Variants in LDLRAD4 observed in about 807,000 individuals in gnomAD.
LDLRAD4 encodes the protein low density lipoprotein receptor class A domain containing 4, also known as low-density lipoprotein receptor class A domain-containing protein 4.
Under a neutral mutation model 17.0 loss-of-function variants are expected in LDLRAD4, and 5 were observed. The ratio of observed to expected loss-of-function variants is 0.29; its 90% CI spans 0.15 to 0.62. The LOEUF (loss-of-function observed/expected upper bound fraction) is 0.62, where lower values mean the gene tolerates loss of function less well. Ranked by LOEUF, LDLRAD4 falls within the 20% of genes least tolerant of loss-of-function variation. The pLI, the probability that LDLRAD4 is intolerant of heterozygous loss-of-function variation, is 0.84. For missense variants in LDLRAD4, 340 were observed against 424.7 expected, an observed-to-expected ratio of 0.80 and a Z score of 1.75; for synonymous variants, 168 against 171.8, an observed-to-expected ratio of 0.98 and a Z score of 0.17.
At chr18:13,351,481 A>G (rs1397377869) in intron 1 of LDLRAD4, among the ~76,000 whole-genome samples, 1 of 152,108 alleles carries the variant, frequency 6.6e-6, no homozygotes, top group Non-Finnish European at 1.5e-5. Flanking sequence ...TTGATTTTGT[A>G]TCCTGAGACT....
intron 3 of LDLRAD4, among the ~76,000 whole-genome samples, chr18:13,575,716 C>T (rs908550089): frequency 1.3e-5 from 2 of 152,126 alleles, no homozygotes; most frequent in Non-Finnish European, 2.9e-5. Flanking sequence ...CCTTTTTCAC[C>T]GCATCCACGC....
chr18:13,422,864 G>A (rs1363442702), intron 2 of LDLRAD4, among the ~76,000 whole-genome samples: 2 of 152,228 alleles, frequency 1.3e-5, no homozygotes, highest in African/African-American at 4.8e-5. Flanking sequence ...GCTGTGGGCT[G>A]TAGCTGCTTG....
intron 1 of LDLRAD4, among the ~76,000 whole-genome samples, chr18:13,222,540 G>A (rs574884668): frequency 6.6e-6 from 1 of 152,324 alleles, no homozygotes; most frequent in South Asian, 2.1e-4. Context: ...TCTGCAACAC[G>A]CTTGCACTGC....
At chr18:13,436,824 G>A (rs2090691715) in intron 2 of LDLRAD4, among the ~76,000 whole-genome samples, 1 of 152,206 alleles carries the variant, frequency 6.6e-6, no homozygotes, top group Non-Finnish European at 1.5e-5. Flanking sequence ...GGCGCTTGTG[G>A]GTGTGCATTT....
At chr18:13,320,942 G>A (rs1265394205) in intron 1 of LDLRAD4, among the ~76,000 whole-genome samples, 1 of 152,190 alleles carries the variant, frequency 6.6e-6, no homozygotes. Context: ...AACAAGCCAC[G>A]CCTGTGTCTG....
At chr18:13,363,326 C>T (rs1255039663) in intron 1 of LDLRAD4, among the ~76,000 whole-genome samples, 4 of 81,992 alleles carry the variant, frequency 4.9e-5, no homozygotes, top group South Asian at 5.2e-4. Context: ...AGCAAGACTC[C>T]GTCTCAAAAA....
intron 1 of LDLRAD4, among the ~76,000 whole-genome samples, chr18:13,278,963 G>A (rs2045071346): frequency 6.6e-6 from 1 of 152,260 alleles, no homozygotes; most frequent in South Asian, 2.1e-4. Flanking sequence ...AATCCAGGAG[G>A]ATTTGTGGTG....
At chr18:13,576,226 A>G (rs1268954565) in intron 3 of LDLRAD4, among the ~76,000 whole-genome samples, 1 of 152,154 alleles carries the variant, frequency 6.6e-6, no homozygotes, top group Non-Finnish European at 1.5e-5. Context: ...GATCCAGACC[A>G]TCCTGGGTAA....
intron 3 of LDLRAD4, among the ~76,000 whole-genome samples, chr18:13,620,389 C>T (rs1036489249): frequency 1.4e-4 from 22 of 152,322 alleles, no homozygotes; most frequent in Admixed American, 1.4e-3. Flanking sequence ...CCTTCCAGCA[C>T]GGGGGACAAG....
At chr18:13,513,118 A>G (rs1221684847) in intron 3 of LDLRAD4, among the ~76,000 whole-genome samples, 1 of 152,234 alleles carries the variant, frequency 6.6e-6, no homozygotes, top group Non-Finnish European at 1.5e-5. Flanking sequence ...ATAAGTGTGC[A>G]CAGTCTGATG....
rs1030105770 is a variant in LDLRAD4 at position 13,300,993 on chromosome 18, C to T, written c.-383+22805C>T. Among the ~76,000 whole-genome samples, 4 of 152,334 alleles carry T rather than the reference C, an allele frequency of 2.6e-5. No homozygotes were observed. The highest frequency in any genetic ancestry group is 2.0e-4 in the Admixed American group (3 of 15,310). ...GCGCCCTGAGGAGCATGTGTGTCTC[C>T]GCACTATGCCCTCAGCGGCCGCTGG... On this transcript the variant is annotated intron_variant, in intron 1 of 5. Coordinates refer to ENST00000359446, the Ensembl canonical transcript of LDLRAD4. The surrounding 1 kb of genome is among the most constrained non-coding windows in gnomAD (Gnocchi z 4.2).
intron 1 of LDLRAD4, among the ~76,000 whole-genome samples, chr18:13,351,551 A>G (rs2144401972): frequency 6.6e-6 from 1 of 152,230 alleles, no homozygotes; most frequent in East Asian, 1.9e-4. Flanking sequence ...GGTTTTCTAA[A>G]TATAGAATCA....
chr18:13,469,491 A>G lies in LDLRAD4; in HGVS notation c.181+31107A>G, dbSNP rs114655160. Among the ~76,000 whole-genome samples the G allele has an allele frequency of 5.3e-3, 809 of 152,362 alleles. 12 individuals carry two copies. Among genetic ancestry groups the G allele is most frequent in the African/African-American group, 0.019 (775 of 41,574 alleles). On this transcript the variant is annotated intron_variant, in intron 3 of 5. Coordinates refer to ENST00000359446, the Ensembl canonical transcript of LDLRAD4. ...GAGAGTGGAAATAACTTACAAGTCT[A>G]TCAACTGATGAAGAGATAAAAAATG...
At chr18:13,278,718 A>T (rs1425123449) in intron 1 of LDLRAD4, among the ~76,000 whole-genome samples, 1 of 152,066 alleles carries the variant, frequency 6.6e-6, no homozygotes, top group Non-Finnish European at 1.5e-5. Flanking sequence ...CTTATGGGAA[A>T]TCCCTTTCTA....
At chr18:13,262,376 G>A (rs71363154) in intron 1 of LDLRAD4, among the ~76,000 whole-genome samples, 20 of 138,748 alleles carry the variant, frequency 1.4e-4, no homozygotes, top group African/African-American at 5.0e-4. Flanking sequence ...GGCCCTGTGC[G>A]TGGAAACTGA....
chr18:13,482,336 A>G (rs898198522), intron 3 of LDLRAD4, among the ~76,000 whole-genome samples: 1 of 152,158 alleles, frequency 6.6e-6, no homozygotes, highest in Non-Finnish European at 1.5e-5. Context: ...GCAGCTGCAT[A>G]AAAAGGAGGC....
chr18:13,621,308 A>G lies in LDLRAD4; in HGVS notation c.336+37A>G. Reference sequence around the variant, plus strand: ...GGCCGCCCCGGCTCCAGAGTCAGGCAGCTGCAAGAGGCTTAGGAGCCCATC... The same window carrying G: ...GGCCGCCCCGGCTCCAGAGTCAGGCGGCTGCAAGAGGCTTAGGAGCCCATC... On this transcript the variant is annotated intron_variant, in intron 4 of 5. Coordinates refer to ENST00000359446, the Ensembl canonical transcript of LDLRAD4. The surrounding 1 kb of genome is among the most constrained non-coding windows in gnomAD (Gnocchi z 5.5). 1 of 1,541,072 alleles carries G rather than the reference A, an allele frequency of 6.5e-7. No homozygotes were observed. Among genetic ancestry groups the G allele is most frequent in the Non-Finnish European group, 8.9e-7 (1 of 1,120,758 alleles).
intron 1 of LDLRAD4, among the ~76,000 whole-genome samples, chr18:13,377,169 C>T (rs2084976086): frequency 2.0e-5 from 3 of 152,238 alleles, no homozygotes; most frequent in South Asian, 2.1e-4. Flanking sequence ...CTGTCACACT[C>T]TTGGGTCTGC....
In LDLRAD4 at chr18:13,504,552, C is replaced by A. The variant is rs2555395; in HGVS notation, c.181+66168C>A. ...AAGCGATTCTCCTGCCTCAGCCTCC[C>A]GAGTAGCTGGGATTACAGGCATGCG... On this transcript the variant is annotated intron_variant, in intron 3 of 5. Transcript: ENST00000359446. Among the ~76,000 whole-genome samples the A allele has an allele frequency of 6.6e-5, 10 of 152,156 alleles. No homozygotes were observed. In the East Asian group the frequency reaches 9.7e-4, roughly 15 times the overall value.
Sources: gnomAD v4.1 joint callset for allele counts (sites outside exome capture counted in the v4.1 genomes callset) on GRCh38, gnomAD v4.1.1 for gene constraint, Gnocchi (gnomAD v3.1) non-coding constraint, MANE v1.5 for transcripts, NCBI Gene and HGNC (gene_info 2026-07-23, HGNC 2026-07-21) for gene names.